Variants in ALDH1L2 observed in about 807,000 individuals in gnomAD.
ALDH1L2 encodes the protein mitochondrial 10-formyltetrahydrofolate dehydrogenase.
In ALDH1L2, 91 loss-of-function variants were observed where a neutral mutation model predicts 111.0. The observed-to-expected ratio is 0.82, with a 90% CI of 0.69 to 0.98. ALDH1L2 has a LOEUF of 0.98. ALDH1L2 is among the 50% of genes least tolerant of loss of function. ALDH1L2 has a pLI of 0.00. For missense variants in ALDH1L2, 995 were observed against 1,126.8 expected, an observed-to-expected ratio of 0.88 and a Z score of 1.67; for synonymous variants, 374 against 392.6, an observed-to-expected ratio of 0.95 and a Z score of 0.56.
intron 15 of ALDH1L2, among the ~76,000 whole-genome samples, chr12:105,042,127 T>C (rs942596230): frequency 2.0e-5 from 3 of 152,160 alleles, no homozygotes; most frequent in African/African-American, 7.2e-5. Flanking sequence ...ATCCCTCATA[T>C]ACCTATATCC....
intron 3 of ALDH1L2, 70 bp from the exon 4 acceptor site, chr12:105,068,954 AAAGTAT>A (rs2136102858): frequency 2.3e-6 from 3 of 1,282,784 alleles, no homozygotes; most frequent in South Asian, 4.2e-5. Context: ...TAGTGATATT[AAAGTAT>A]AAGATAGTTA....
intron 18 of ALDH1L2, among the ~76,000 whole-genome samples, chr12:105,037,429 C>T (rs747252928): frequency 5.9e-5 from 9 of 152,124 alleles, no homozygotes; most frequent in Non-Finnish European, 8.8e-5. Flanking sequence ...GTGTCTAAAA[C>T]GCTTACCAGA....
Position 105,030,430 on chromosome 12 carries a change from C to CT in ALDH1L2, c.2411-2dup. ...AACACGGTCGGCTCCATGAAAAAGC[C>CT]TTTTTGGAAAAAACAAAGAAAAAAT... is the stretch of plus-strand genomic sequence containing the variant. On this transcript the variant is annotated splice_acceptor_variant, in intron 20 of 22. Transcript: ENST00000258494. LOFTEE classifies it high-confidence loss of function. The CT allele has an allele frequency of 3.1e-6, 5 of 1,601,702 alleles. No individual in the cohort carries two copies. The East Asian group carries it at 9.0e-5, about 29-fold the overall frequency.
Position 105,031,939 on chromosome 12 carries a change from A to G in ALDH1L2, c.2245-5T>C, listed in dbSNP as rs1410687880. ...CATCTTTTTAATTTCTTCTACCTGT[A>G]TGTTACCCAGTCCATAAAAACACAA... On this transcript the variant is annotated splice_polypyrimidine_tract_variant and splice_region_variant and intron_variant, in intron 19 of 22. Transcript: ENST00000258494. The G allele has an allele frequency of 1.7e-5, 28 of 1,613,344 alleles. No homozygotes were observed. Among genetic ancestry groups the G allele is most frequent in the Middle Eastern group, 1.6e-4 (1 of 6,072 alleles).
intron 6 of ALDH1L2, 74 bp from the exon 7 acceptor site, chr12:105,063,096 C>A: frequency 6.9e-7 from 1 of 1,459,264 alleles, no homozygotes; most frequent in South Asian, 1.5e-5. Context: ...AAGCATCATT[C>A]TCTGCAAAAA....
At chr12:105,057,023 T>C (rs1007549976) in intron 10 of ALDH1L2, among the ~76,000 whole-genome samples, 1 of 150,890 alleles carries the variant, frequency 6.6e-6, no homozygotes, top group Non-Finnish European at 1.5e-5. Context: ...CTGATAAGGA[T>C]CTAGTATCGA....
intron 15 of ALDH1L2, among the ~76,000 whole-genome samples, chr12:105,041,610 A>G (rs1385696315): frequency 1.3e-5 from 2 of 152,232 alleles, no homozygotes; most frequent in Non-Finnish European, 2.9e-5. Flanking sequence ...TTTCTGGATA[A>G]TAATCCTAAA....
At chr12:105,077,574 C>T (rs1254934629) in intron 1 of ALDH1L2, among the ~76,000 whole-genome samples, 6 of 151,860 alleles carry the variant, frequency 4.0e-5, no homozygotes, top group Non-Finnish European at 5.9e-5. Context: ...CCACCACGCC[C>T]GACCTTGTTT....
Position 105,031,915 on chromosome 12 carries a change from A to C in ALDH1L2, c.2264T>G (p.Met755Arg). 6.2e-7 allele frequency: 1 copy of C among 1,614,116 alleles called. No individual in the cohort carries two copies. Among genetic ancestry groups the C allele is most frequent in the Non-Finnish European group, 8.5e-7 (1 of 1,180,020 alleles). ...TCTGTCAAGTGGATCACCAATTTTC[A>C]TCTTTTTAATTTCTTCTACCTGTAT... ...VTRVVEEIKK[M>R]KIGDPLDRST... The change falls in exon 20 of 23, where the codon ATG (methionine) becomes AGG (arginine). Residue 755 changes from methionine (M) to arginine (R), a missense_variant. Met to Arg is a moderately conservative substitution (Grantham distance 91, BLOSUM62 -1). Transcript: ENST00000258494.
At chr12:105,048,643 C>T (rs933345022) in intron 13 of ALDH1L2, 3 of 152,042 alleles carry the variant, frequency 2.0e-5, no homozygotes, top group South Asian at 2.1e-4. Flanking sequence ...GTGTTGTTGC[C>T]GTTGATCACC....
chr12:105,033,962 T>TA (rs957970163), intron 19 of ALDH1L2, among the ~76,000 whole-genome samples: 5 of 152,134 alleles, frequency 3.3e-5, no homozygotes, highest in Non-Finnish European at 5.9e-5. Context: ...TTTTTTACTA[T>TA]AAAAAAATCA....
intron 8 of ALDH1L2, 52 bp from the exon 9 acceptor site, chr12:105,061,124 C>T (rs1272987717): frequency 1.5e-5 from 22 of 1,489,500 alleles, no homozygotes; most frequent in Non-Finnish European, 1.9e-5. Flanking sequence ...AACAATGTGG[C>T]AGAGACTGGG....
chr12:105,052,732 TA>T lies in ALDH1L2; in HGVS notation c.1407+79del, dbSNP rs1174172708. The T allele has an allele frequency of 1.0e-5, 16 of 1,565,062 alleles. No homozygotes were observed. In the East Asian group the frequency reaches 3.4e-4, roughly 33 times the overall value. ...AGAGTGAGAGAATAAAAGGGCTTCT[TA>T]AGACTGCCTCTTTTACAATGGTGTA... On this transcript the variant is annotated intron_variant, in intron 11 of 22. Coordinates refer to ENST00000258494, the MANE Select transcript of ALDH1L2 (RefSeq NM_001034173.4).
At chr12:105,038,857 T>G (rs1393299793) in intron 17 of ALDH1L2, among the ~76,000 whole-genome samples, 1 of 152,210 alleles carries the variant, frequency 6.6e-6, no homozygotes, top group East Asian at 1.9e-4. Context: ...TTCAAATTCT[T>G]TAGAAATTTT....
At chr12:105,061,890 C>G (rs1366981003) in intron 7 of ALDH1L2, 138 bp from the exon 8 acceptor site, 3 of 1,054,328 alleles carry the variant, frequency 2.8e-6, no homozygotes, top group Non-Finnish European at 4.0e-6. Context: ...AAGCATTCAC[C>G]ATTATGTGTA....
chr12:105,067,347 A>C (rs998483796), intron 4 of ALDH1L2, among the ~76,000 whole-genome samples: 2 of 152,074 alleles, frequency 1.3e-5, no homozygotes, highest in African/African-American at 2.4e-5. Flanking sequence ...CGAAGTCTGC[A>C]CTCTCAAAAA....
At chr12:105,067,252 A>G (rs1339016143) in intron 4 of ALDH1L2, among the ~76,000 whole-genome samples, 1 of 151,818 alleles carries the variant, frequency 6.6e-6, no homozygotes, top group East Asian at 1.9e-4. Flanking sequence ...AAAAAGAAAA[A>G]GAGCTAAGCA....
Position 105,058,141 on chromosome 12 carries a change from C to T in ALDH1L2, c.1219G>A (p.Gly407Ser), listed in dbSNP as rs746472465. 1.9e-6 allele frequency: 3 copies of T among 1,613,770 alleles called. No individual in the cohort carries two copies. The highest frequency in any genetic ancestry group is 3.3e-5 in the Admixed American group (2 of 59,958). The stretch of plus-strand genomic sequence containing the variant: ...TTCCTCACGACCTTTTGGATAAAGC[C>T]TTCAAACTTGGTGGCCATATAGACA... The part of the protein sequence containing the change: ...EDVYMATKFE[G>S]FIQKVVRKLR... The change falls in exon 10 of 23, where the codon GGC becomes AGC. Residue 407 changes from glycine to serine, a missense_variant. Physicochemically the swap from Gly to Ser is moderately conservative, Grantham distance 56. Transcript: ENST00000258494.
chr12:105,044,863 T>C (rs1390593948), intron 15 of ALDH1L2, among the ~76,000 whole-genome samples: 2 of 151,992 alleles, frequency 1.3e-5, no homozygotes, highest in Non-Finnish European at 2.9e-5. Flanking sequence ...ATCTATACAA[T>C]GGAAACTGCT....
Sources: gnomAD v4.1 joint callset for allele counts (sites outside exome capture counted in the v4.1 genomes callset) on GRCh38, gnomAD v4.1.1 for gene constraint, MANE v1.5 for transcripts, NCBI Gene and HGNC (gene_info 2026-07-23, HGNC 2026-07-21) for gene names.